RAP1A: variants seen among roughly 807,000 people sequenced by gnomAD.
RAP1A encodes the protein RAP1A, member of RAS oncogene family, also known as ras-related protein Rap-1A.
In RAP1A, 6 loss-of-function variants were observed where a neutral mutation model predicts 26.4. The ratio of observed to expected loss-of-function variants is 0.23; its 90% CI spans 0.12 to 0.45. The LOEUF (loss-of-function observed/expected upper bound fraction) is 0.45, where lower values mean the gene tolerates loss of function less well. Among genes scored for constraint, RAP1A ranks in the 20% least tolerant of loss-of-function variants. The pLI is 0.99. For missense variants in RAP1A, 121 were observed against 217.2 expected (o/e 0.56, Z 2.78); for synonymous variants, 73 against 79.4 (o/e 0.92, Z 0.43).
upstream of RAP1A, among the ~76,000 whole-genome samples, chr1:111,617,509 T>C (rs1421065609): frequency 6.6e-6 from 1 of 152,116 alleles, no homozygotes; most frequent in African/African-American, 2.4e-5. Flanking sequence ...CTCGGCTCAC[T>C]GCAAGTTCCG....
chr1:111,707,881 A>C lies in RAP1A; in HGVS notation c.469-1268A>C, dbSNP rs920980206. ...AAATGAATCCACAAGATGTATTAAC[A>C]AACATTATTTGGGCTGGGCACAGTG... On this transcript the variant is annotated intron_variant, in intron 6 of 7. Coordinates refer to ENST00000369709, the MANE Select transcript of RAP1A (RefSeq NM_002884.4). Among the ~76,000 whole-genome samples the C allele has an allele frequency of 3.3e-5, 5 of 152,196 alleles. No homozygotes were observed. In the East Asian group the frequency reaches 5.8e-4, roughly 18 times the overall value.
chr1:111,683,566 A>G (rs897401731), intron 1 of RAP1A, among the ~76,000 whole-genome samples: 2 of 152,258 alleles, frequency 1.3e-5, no homozygotes, highest in Non-Finnish European at 2.9e-5. Context: ...GCTAGAAGAA[A>G]TGGATAAATT....
intron 3 of RAP1A, among the ~76,000 whole-genome samples, chr1:111,695,987 A>C (rs1003230563): frequency 6.6e-6 from 1 of 152,160 alleles, no homozygotes; most frequent in Non-Finnish European, 1.5e-5. Flanking sequence ...CTGGTGCAGG[A>C]TGTTGATGGT....
intron 1 of RAP1A, among the ~76,000 whole-genome samples, chr1:111,576,305 A>C (rs866201370): frequency 6.6e-6 from 1 of 152,238 alleles, no homozygotes; most frequent in African/African-American, 2.4e-5. Flanking sequence ...CACAAGACAC[A>C]AAACCAAATA....
intron 1 of RAP1A, among the ~76,000 whole-genome samples, chr1:111,587,214 C>G (rs1658386006): frequency 6.6e-6 from 1 of 152,174 alleles, no homozygotes; most frequent in South Asian, 2.1e-4. Flanking sequence ...AGGTGACCCT[C>G]AAGCTGCTGC....
At chr1:111,615,892 A>G (rs1013517588), upstream of RAP1A, among the ~76,000 whole-genome samples, 1 of 152,164 alleles carries the variant, frequency 6.6e-6, no homozygotes, top group Non-Finnish European at 1.5e-5. Context: ...AAAGTGCTCA[A>G]TAGCCATATG....
chr1:111,712,771 A>G lies in RAP1A; in HGVS notation c.*370A>G, dbSNP rs964100354. 6.6e-6 allele frequency: 1 copy of G among 152,508 alleles called. No homozygotes were observed. The highest frequency in any genetic ancestry group is 1.5e-5 in the Non-Finnish European group (1 of 67,950). The allele number at this position is 152,508 out of a possible 1,614,324, so 9.4% of individuals were successfully genotyped here. On this transcript the variant is annotated 3_prime_UTR_variant, in exon 8 of 8. Transcript: ENST00000369709. The stretch of plus-strand genomic sequence containing the variant: ...TGATCTTTTTATCATGATCCTCCCT[A>G]TCAAGCACTAAAAAGTTGAACCATT...
chr1:111,645,653 A>G (rs1207950828), intron 1 of RAP1A, among the ~76,000 whole-genome samples: 1 of 152,214 alleles, frequency 6.6e-6, no homozygotes, highest in Admixed American at 6.5e-5. Context: ...GGGCGCATAA[A>G]TGATCTTTGT....
intron 7 of RAP1A, among the ~76,000 whole-genome samples, chr1:111,711,612 A>G (rs1424450927): frequency 6.6e-6 from 1 of 152,242 alleles, no homozygotes; most frequent in African/African-American, 2.4e-5. Flanking sequence ...GTGACTTAGC[A>G]ATCAGACTGC....
chr1:111,628,529 G>T (rs1018876704), intron 1 of RAP1A, among the ~76,000 whole-genome samples: 4 of 152,172 alleles, frequency 2.6e-5, no homozygotes, highest in African/African-American at 9.7e-5. Flanking sequence ...AGGAGTACAA[G>T]CTTTGGTATG....
At chr1:111,616,064 G>C (rs907750456), upstream of RAP1A, among the ~76,000 whole-genome samples, 25 of 152,182 alleles carry the variant, frequency 1.6e-4, no homozygotes, top group Admixed American at 7.9e-4. Flanking sequence ...GAGAAAGGTA[G>C]TGCCATGAAC....
At chr1:111,587,924 C>T (rs945132280) in intron 1 of RAP1A, among the ~76,000 whole-genome samples, 4 of 152,038 alleles carry the variant, frequency 2.6e-5, no homozygotes, top group Non-Finnish European at 5.9e-5. Context: ...CTGTTTTATT[C>T]TTTGGTCAGA....
intron 1 of RAP1A, among the ~76,000 whole-genome samples, chr1:111,627,256 G>A (rs1033952444): frequency 2.0e-5 from 3 of 151,648 alleles, no homozygotes; most frequent in African/African-American, 4.9e-5. Context: ...TTGCATGTAC[G>A]GATTTTTTAT....
At chr1:111,611,264 A>G (rs1478689615) in intron 1 of RAP1A, among the ~76,000 whole-genome samples, 1 of 152,240 alleles carries the variant, frequency 6.6e-6, no homozygotes, top group East Asian at 1.9e-4. Flanking sequence ...TTTTGTGCTT[A>G]GGATGGCTTC....
intron 1 of RAP1A, among the ~76,000 whole-genome samples, chr1:111,646,729 C>T (rs868613781): frequency 1.3e-5 from 2 of 152,032 alleles, no homozygotes; most frequent in East Asian, 1.9e-4. Flanking sequence ...TTAGTAGAGA[C>T]GGGGTTTCAC....
chr1:111,648,185 GT>G, intron 1 of RAP1A: 1 of 315,138 alleles, frequency 3.2e-6, no homozygotes, highest in Non-Finnish European at 5.6e-6. Context: ...GTGTGTGTGT[GT>G]GTGTGTGTGT....
intron 2 of RAP1A, among the ~76,000 whole-genome samples, chr1:111,694,622 A>G (rs1011493332): frequency 1.1e-4 from 16 of 152,234 alleles, no homozygotes; most frequent in Non-Finnish European, 2.4e-4. Flanking sequence ...TCCAATGGAA[A>G]AAGTAAGGCT....
intron 1 of RAP1A, chr1:111,608,117 G>C (rs141663779): frequency 0.15 from 24,364 of 166,958 alleles, 1,947 homozygotes; most frequent in African/African-American, 0.2. Flanking sequence ...GGTGACTGCC[G>C]GGCGGAGGGG....
At chr1:111,678,165 A>G (rs1293536669) in intron 1 of RAP1A, among the ~76,000 whole-genome samples, 2 of 152,238 alleles carry the variant, frequency 1.3e-5, no homozygotes, top group Non-Finnish European at 2.9e-5. Context: ...GTCAGTTTCT[A>G]CAAACACTGC....
Sources: allele counts gnomAD v4.1 joint callset (sites outside exome capture counted in the v4.1 genomes callset), GRCh38; gene constraint gnomAD v4.1.1; transcripts MANE v1.5; gene names NCBI Gene and HGNC (gene_info 2026-07-23, HGNC 2026-07-21).